Variants in SENP7 observed in about 807,000 individuals in gnomAD.
The protein encoded by SENP7 is sentrin-specific protease 7.
SENP7 carries 64 observed loss-of-function variants against 141.2 expected under a neutral mutation model. The ratio of observed to expected loss-of-function variants is 0.45; its 90% CI spans 0.37 to 0.56. The LOEUF (loss-of-function observed/expected upper bound fraction) is 0.56, where lower values mean the gene tolerates loss of function less well. Ranked by LOEUF, SENP7 falls within the 20% of genes least tolerant of loss-of-function variation. SENP7 has a pLI of 0.00. For missense variants in SENP7, 1,025 were observed against 1,212.2 expected (o/e 0.85, Z 2.29); for synonymous variants, 382 against 426.4 (o/e 0.90, Z 1.28).
At chr3:101,491,126 C>CT (rs199912447) in intron 3 of SENP7, among the ~76,000 whole-genome samples, 56,511 of 140,824 alleles carry the variant, frequency 0.4, 11,667 homozygotes, top group Admixed American at 0.52. Flanking sequence ...TCATTTTATA[C>CT]TTTTTTTTTT....
chr3:101,389,408 A>C (rs144936045), intron 6 of SENP7, among the ~76,000 whole-genome samples: 39 of 152,102 alleles, frequency 2.6e-4, no homozygotes, highest in Non-Finnish European at 4.9e-4. Context: ...CAAAAGAAAC[A>C]TGTCTAGACA....
In SENP7 at chr3:101,338,454, C is replaced by A. The variant is rs73863071; in HGVS notation, c.2358-823G>T. Among the ~76,000 whole-genome samples the A allele has an allele frequency of 9.7e-3, 1,472 of 152,184 alleles. 26 individuals are homozygous for A. The highest frequency in any genetic ancestry group is 0.034 in the African/African-American group (1,392 of 41,498). On this transcript the variant is annotated intron_variant, in intron 16 of 23. Coordinates refer to ENST00000394095, the MANE Select transcript of SENP7 (RefSeq NM_020654.5). ...AATCCTTCCATATAAGCTTATAATC[C>A]AATCACTTAGTAATTAACCCCTTCA...
At chr3:101,479,530 T>C (rs544586737) in intron 3 of SENP7, among the ~76,000 whole-genome samples, 1 of 151,582 alleles carries the variant, frequency 6.6e-6, no homozygotes, top group African/African-American at 2.4e-5. Context: ...GGTTTCCTTG[T>C]GCCCAGGAAG....
rs201699593 is a variant in SENP7 at position 101,396,514 on chromosome 3, AC to A, written c.677+2346del. 2.3e-4 allele frequency among the ~76,000 whole-genome samples: 35 copies of A among 152,188 alleles called. 1 individual carries two copies. The East Asian group carries it at 6.8e-3, about 29-fold the overall frequency. On this transcript the variant is annotated intron_variant, in intron 6 of 23. Transcript: ENST00000394095. ...CACAACTTTTTCTCCAACAGAAAGT[AC>A]CTTCCTTAATATTTTCATTTATTTT...
chr3:101,458,105 C>T (rs1487414666), intron 4 of SENP7, among the ~76,000 whole-genome samples: 1 of 152,132 alleles, frequency 6.6e-6, no homozygotes, highest in Non-Finnish European at 1.5e-5. Context: ...ATAGACCTGC[C>T]TTATTCACCT....
At position 101,472,576 on chromosome 3, in the gene SENP7, A is replaced by G. The variant is rs546606351; in HGVS notation, c.187-13524T>C. On this transcript the variant is annotated intron_variant, in intron 3 of 23. Coordinates refer to ENST00000394095, the MANE Select transcript of SENP7 (RefSeq NM_020654.5). ...AATGATGAGTTGATGGGTGCAGCAA[A>G]CCAACATGGCACATGTATACCTATG... Among the ~76,000 whole-genome samples the G allele has an allele frequency of 1.4e-4, 21 of 152,264 alleles. No individual in the cohort carries two copies. In the East Asian group the frequency reaches 4.0e-3, roughly 29 times the overall value.
chr3:101,448,361 T>C (rs560031456), intron 4 of SENP7, among the ~76,000 whole-genome samples: 3 of 152,214 alleles, frequency 2.0e-5, no homozygotes, highest in Non-Finnish European at 4.4e-5. Context: ...AAGGGACTTG[T>C]ACCAAGAAAA....
At chr3:101,477,074 CTTT>C in intron 3 of SENP7, among the ~76,000 whole-genome samples, 1 of 152,114 alleles carries the variant, frequency 6.6e-6, no homozygotes, top group African/African-American at 2.4e-5. Flanking sequence ...ATGATAGTTT[CTTT>C]TGCTGTGCAG....
At chr3:101,501,151 C>T (rs1450726960) in intron 1 of SENP7, 32 bp from the exon 2 acceptor site, 5 of 1,442,528 alleles carry the variant, frequency 3.5e-6, no homozygotes, top group Admixed American at 1.8e-5. Context: ...TAAAAATTAT[C>T]GTTTAACATC....
intron 4 of SENP7, among the ~76,000 whole-genome samples, chr3:101,449,066 G>A (rs2063012917): frequency 6.6e-6 from 1 of 152,140 alleles, no homozygotes; most frequent in African/African-American, 2.4e-5. Context: ...GGCACGAGAA[G>A]TACGCGGCAA....
chr3:101,452,353 G>C (rs1424985415), intron 4 of SENP7, among the ~76,000 whole-genome samples: 1 of 152,106 alleles, frequency 6.6e-6, no homozygotes, highest in Non-Finnish European at 1.5e-5. Context: ...TTACAGAATT[G>C]GAAAAAACTA....
intron 12 of SENP7, 85 bp from the exon 13 acceptor site, chr3:101,348,136 A>T: frequency 1.2e-6 from 1 of 832,568 alleles, no homozygotes; most frequent in Non-Finnish European, 1.7e-6. Flanking sequence ...TTGTTAATAC[A>T]CTACTTTTTT....
chr3:101,477,013 G>A (rs1576470725), intron 3 of SENP7, among the ~76,000 whole-genome samples: 1 of 152,188 alleles, frequency 6.6e-6, no homozygotes, highest in African/African-American at 2.4e-5. Flanking sequence ...TTTGTCAGAT[G>A]GATAGATTGC....
At chr3:101,485,711 C>G (rs945603111) in intron 3 of SENP7, among the ~76,000 whole-genome samples, 2 of 152,094 alleles carry the variant, frequency 1.3e-5, no homozygotes, top group Non-Finnish European at 2.9e-5. Flanking sequence ...TTCAACAACC[C>G]CCCACCAAAA....
intron 20 of SENP7, among the ~76,000 whole-genome samples, chr3:101,329,646 A>G (rs2058994121): frequency 6.6e-6 from 1 of 151,854 alleles, no homozygotes; most frequent in Non-Finnish European, 1.5e-5. Context: ...ATTTTTACCA[A>G]TAATTTTCTG....
At chr3:101,361,359 T>G (rs2059896994) in intron 11 of SENP7, among the ~76,000 whole-genome samples, 1 of 152,176 alleles carries the variant, frequency 6.6e-6, no homozygotes, top group Non-Finnish European at 1.5e-5. Flanking sequence ...TTTGGAGAAG[T>G]CAGTTTACAA....
chr3:101,463,396 T>TATATATATATATATAC (rs1320861204), intron 3 of SENP7, among the ~76,000 whole-genome samples: 25 of 82,854 alleles, frequency 3.0e-4, no homozygotes, highest in Admixed American at 1.2e-3. Flanking sequence ...TATATATATA[T>TATATATATATATATAC]ACATATATAT....
chr3:101,405,906 C>T (rs1044550056), intron 5 of SENP7, among the ~76,000 whole-genome samples: 2 of 152,070 alleles, frequency 1.3e-5, no homozygotes, highest in Admixed American at 6.6e-5. Context: ...AAAATATGAA[C>T]AAAGCCTCCA....
At chr3:101,359,164 G>C (rs2059824964) in intron 11 of SENP7, 1 of 151,566 alleles carries the variant, frequency 6.6e-6, no homozygotes, top group Admixed American at 6.6e-5. Context: ...ACTCCTACAA[G>C]TATAAAGAAT....
Sources: gnomAD v4.1 joint callset for allele counts (sites outside exome capture counted in the v4.1 genomes callset) on GRCh38, gnomAD v4.1.1 for gene constraint, MANE v1.5 for transcripts, NCBI Gene and HGNC (gene_info 2026-07-23, HGNC 2026-07-21) for gene names.